The following STXBP2 variants were observed in gnomAD, a reference collection of about 807,000 sequenced individuals.
The protein encoded by STXBP2 is syntaxin binding protein 2.
In STXBP2, 47 loss-of-function variants were observed where a neutral mutation model predicts 72.2. The ratio of observed to expected loss-of-function variants is 0.65; its 90% confidence interval spans 0.51 to 0.83. The LOEUF is 0.83. STXBP2 is among the 40% of genes least tolerant of loss of function. STXBP2 has a pLI of 0.00. For missense variants in STXBP2, 702 were observed against 807.6 expected (o/e 0.87, Z 1.58); for synonymous variants, 367 against 338.7 (o/e 1.08, Z -0.92).
chr19:7,630,685 G>C, the STXBP2 span: 5 of 1,534,608 alleles, frequency 3.3e-6, no homozygotes, highest in Non-Finnish European at 4.4e-6. Context: ...GTGTTTGAGG[G>C]TTCATTCCAG....
intron 4 of STXBP2, 74 bp downstream of exon 4, chr19:7,639,881 CATGT>C: frequency 2.1e-6 from 3 of 1,457,274 alleles, no homozygotes; most frequent in South Asian, 1.2e-5. Flanking sequence ...TGTCTGCATG[CATGT>C]GATTGCATGT....
Position 7,641,936 on chromosome 19 carries a change from C to T in STXBP2, c.578+83C>T, listed in dbSNP as rs1011850417. 3.1e-6 allele frequency: 5 copies of T among 1,599,548 alleles called. No individual in the cohort carries two copies. The African/African-American group carries it at 6.7e-5, about 22-fold the overall frequency. ...CCTAACCTTTAACCTCTCTTGTGAC[C>T]CCAGCCCCGGCCCTACCCTGGCCCC... On this transcript the variant is annotated intron_variant, in intron 7 of 18. Transcript: ENST00000221283.
At chr19:7,645,900 TC>T (rs3837933) in intron 15 of STXBP2, 160,811 of 396,564 alleles carry the variant, frequency 0.41, 36,190 homozygotes, top group East Asian at 0.72. Flanking sequence ...CCCCTCTCCG[TC>T]CCCCTTCTGT....
chr19:7,640,906 C>T lies in STXBP2; in HGVS notation c.332C>T (p.Pro111Leu). The T allele has an allele frequency of 6.2e-7, 1 of 1,614,206 alleles. No individual in the cohort carries two copies. Among genetic ancestry groups the T allele is most frequent in the Non-Finnish European group, 8.5e-7 (1 of 1,180,028 alleles). ...CACTCCTGCCTCACCCCAGCCTGCC[C>T]CGAGCCCCTGTTCAGTGAGCTAGGC... ...AAHIFFTDTCPEPLFSELGRS... is the reference protein window; with the variant it reads ...AAHIFFTDTCLEPLFSELGRS... The change falls in exon 6 of 19, where the codon CCC (proline) becomes CTC (leucine). Residue 111 changes from proline to leucine, a missense_variant. Coordinates refer to ENST00000221283, the MANE Select transcript of STXBP2 (RefSeq NM_006949.4).
chr19:7,637,116 C>A lies in STXBP2; in HGVS notation c.-34C>A. On this transcript the variant is annotated 5_prime_UTR_variant, in exon 1 of 19. Transcript: ENST00000221283. ...GGGGCCACGCCCCCACCTTGGGACACACCCGGAAGCGGCGGCGGCGCCCCT... is the reference window on the plus strand; with the variant it reads ...GGGGCCACGCCCCCACCTTGGGACAAACCCGGAAGCGGCGGCGGCGCCCCT... 1.6e-6 allele frequency: 2 copies of A among 1,239,406 alleles called. No homozygotes were observed. The allele number at this position is 1,239,406 out of a possible 1,614,324, so 76.8% of individuals were successfully genotyped here. A position where few individuals can be genotyped will look rare whatever the true frequency, so the allele number is the denominator to read the frequency against.
chr19:7,638,301 T>TG (rs1489355181), intron 1 of STXBP2, among the ~76,000 whole-genome samples: 6 of 152,204 alleles, frequency 3.9e-5, no homozygotes, highest in Non-Finnish European at 7.3e-5. Flanking sequence ...TTTGCAGAAC[T>TG]GGGGGCTAAA....
At chr19:7,640,547 C>T (rs576321535) in intron 4 of STXBP2, 184 bp from the exon 5 acceptor site, 22 of 719,220 alleles carry the variant, frequency 3.1e-5, no homozygotes, top group Middle Eastern at 4.6e-4. Context: ...TGTGTGCGTG[C>T]GTGCATCTGT....
rs758194101 is a variant in STXBP2, at chr19:7,639,113, G to A, written c.169+13G>A. Reference sequence around the variant, plus strand: ...GAGGGCATCACCAGTGAGTGAACGCGTCCCCAGTGAGATGGGACCTGAGCG... The same window carrying A: ...GAGGGCATCACCAGTGAGTGAACGCATCCCCAGTGAGATGGGACCTGAGCG... On this transcript the variant is annotated intron_variant, in intron 3 of 18. Coordinates refer to ENST00000221283, the MANE Select transcript of STXBP2 (RefSeq NM_006949.4). The A allele has an allele frequency of 1.7e-5, 27 of 1,613,840 alleles. No individual in the cohort carries two copies. The highest frequency in any genetic ancestry group is 4.4e-5 in the South Asian group (4 of 91,026).
At chr19:7,647,009 G>C in intron 16 of STXBP2, 153 bp from the exon 17 acceptor site, 1 of 700,962 alleles carries the variant, frequency 1.4e-6, no homozygotes, top group East Asian at 2.7e-5. Flanking sequence ...CAATGGACTA[G>C]AGGCCTAGAC....
In STXBP2 at chr19:7,645,127, AC is replaced by A. The variant is rs919814889; in HGVS notation, c.1247-66del. On this transcript the variant is annotated intron_variant, in intron 14 of 18. Coordinates refer to ENST00000221283, the MANE Select transcript of STXBP2 (RefSeq NM_006949.4). ...CAGAGTCCTGGGAGCTCCTCAGCCC[AC>A]CCCAAACTCCCCTAAACCTGGGAGC... The A allele has an allele frequency of 2.4e-4, 359 of 1,514,040 alleles. 1 individual carries two copies. In the African/African-American group the frequency reaches 4.6e-3, roughly 20 times the overall value. The allele number at this position is 1,514,040 out of a possible 1,614,324, so 93.8% of individuals were successfully genotyped here. A position where few individuals can be genotyped will look rare whatever the true frequency, so the allele number is the denominator to read the frequency against.
In STXBP2 at chr19:7,642,488, A is replaced by C. The variant is rs1396747988; in HGVS notation, c.854A>C (p.Asp285Ala). 2 of 1,613,930 alleles carry C rather than the reference A, an allele frequency of 1.2e-6. No homozygotes were observed. Among genetic ancestry groups the C allele is most frequent in the South Asian group, 1.1e-5 (1 of 91,092 alleles). The change falls in exon 10 of 19, where the codon GAT becomes GCT. Residue 285 changes from aspartate to alanine, a missense_variant. Asp to Ala is a moderately radical substitution (Grantham distance 126). Transcript: ENST00000221283. This position sits in a 1 kb window ranked among gnomAD's most constrained non-coding sequence, Gnocchi z 6.0. ...AAGGCCGTCTTGCTGGACGAGGACG[A>C]TGACTTGTGGGTGGAGCTTCGCCAC... is the stretch of plus-strand genomic sequence containing the variant. ...REKAVLLDEDDDLWVELRHMH... is the reference protein window; with the variant it reads ...REKAVLLDEDADLWVELRHMH...
chr19:7,647,600 C>T (rs1021907353), intron 18 of STXBP2, 89 bp downstream of exon 18: 2 of 1,593,466 alleles, frequency 1.3e-6, no homozygotes, highest in African/African-American at 2.7e-5. Flanking sequence ...ACTCCAGAGT[C>T]CTTGGAGTCA....
At chr19:7,641,284 C>T (rs901675804) in intron 6 of STXBP2, 8 of 517,106 alleles carry the variant, frequency 1.5e-5, no homozygotes, top group African/African-American at 1.3e-4. Context: ...GTGGGAGAGT[C>T]GCTTGAGCCC....
chr19:7,646,905 A>G (rs1270798723), intron 16 of STXBP2: 2 of 578,862 alleles, frequency 3.5e-6, no homozygotes, highest in Non-Finnish European at 6.2e-6. Flanking sequence ...TGGGTTGCCG[A>G]GGAACTGTGG....
upstream of STXBP2, chr19:7,633,349 T>C (rs2031411430): frequency 6.9e-7 from 1 of 1,448,226 alleles, no homozygotes; most frequent in Non-Finnish European, 9.5e-7. Flanking sequence ...ACTAGTCTTG[T>C]CAATCATGGG....
upstream of STXBP2, chr19:7,636,146 C>G (rs765599065): frequency 6.6e-6 from 1 of 152,202 alleles, no homozygotes; most frequent in Non-Finnish European, 1.5e-5. Flanking sequence ...CTCCCCCAGA[C>G]CTTCGGGTCT....
At position 7,642,888 on chromosome 19, in the gene STXBP2, G is replaced by A; in HGVS notation, c.960+65G>A. The A allele has an allele frequency of 6.2e-7, 1 of 1,613,408 alleles. No individual in the cohort carries two copies. The highest frequency in any genetic ancestry group is 8.5e-7 in the Non-Finnish European group (1 of 1,179,346). On this transcript the variant is annotated intron_variant, in intron 11 of 18. Coordinates refer to ENST00000221283, the MANE Select transcript of STXBP2 (RefSeq NM_006949.4). The surrounding 1 kb of genome is among the most constrained non-coding windows in gnomAD (Gnocchi z 6.0). ...GAAGCCCCCCTCCCCATGGGCGCAG[G>A]GCCACAGCCTGGATTTCGAGCCTGG...
intron 6 of STXBP2, chr19:7,641,300 G>T (rs2031865689): frequency 4.0e-6 from 2 of 505,888 alleles, no homozygotes; most frequent in African/African-American, 3.9e-5. Context: ...AGCCCGGGAG[G>T]TCGAGGCTGC....
At chr19:7,631,837 G>T in the STXBP2 span, 2 of 1,383,996 alleles carry the variant, frequency 1.4e-6, no homozygotes, top group South Asian at 4.2e-5. Context: ...CAGCCAGGGG[G>T]AGGGCTCAAG....
Sources: allele counts gnomAD v4.1 joint callset (sites outside exome capture counted in the v4.1 genomes callset), GRCh38; gene constraint gnomAD v4.1.1; non-coding constraint Gnocchi (gnomAD v3.1); transcripts MANE v1.5; gene names NCBI Gene and HGNC (gene_info 2026-07-23, HGNC 2026-07-21).